Variants in CYLD observed in about 807,000 individuals in gnomAD.
CYLD encodes the protein CYLD lysine 63 deubiquitinase, also known as ubiquitin carboxyl-terminal hydrolase CYLD.
In CYLD, 26 loss-of-function variants were observed where a neutral mutation model predicts 104.5. The ratio of observed to expected loss-of-function variants is 0.25; its 90% CI spans 0.18 to 0.35. The LOEUF (loss-of-function observed/expected upper bound fraction) is 0.35. Among genes scored for constraint, CYLD ranks in the 10% least tolerant of loss-of-function variants. The pLI is 1.00. For missense variants in CYLD, 703 were observed against 1,136.1 expected (o/e 0.62, Z 5.48); for synonymous variants, 385 against 399.9 (o/e 0.96, Z 0.45).
chr16:50,750,325 AT>A, intron 3 of CYLD, 123 bp downstream of exon 3: 1 of 1,125,566 alleles, frequency 8.9e-7, no homozygotes, highest in Non-Finnish European at 1.3e-6. Flanking sequence ...GTCTTCTGTA[AT>A]TTTTAATATT....
intron 5 of CYLD, among the ~76,000 whole-genome samples, chr16:50,756,571 A>G (rs1037642189): frequency 6.6e-6 from 1 of 152,150 alleles, no homozygotes; most frequent in African/African-American, 2.4e-5. Flanking sequence ...TAACAGCATC[A>G]ACAGTTTCAT....
At chr16:50,757,681 C>T (rs565814313) in intron 5 of CYLD, among the ~76,000 whole-genome samples, 4 of 152,108 alleles carry the variant, frequency 2.6e-5, no homozygotes, top group Admixed American at 6.5e-5. Context: ...GGACCACAGG[C>T]GCCCGCCACC....
At chr16:50,778,456 C>T (rs1426038139) in intron 8 of CYLD, among the ~76,000 whole-genome samples, 1 of 152,194 alleles carries the variant, frequency 6.6e-6, no homozygotes, top group East Asian at 1.9e-4. Flanking sequence ...ACCACAGACA[C>T]AGTAGAGTTG....
chr16:50,756,142 G>T (rs1967209449), intron 5 of CYLD, among the ~76,000 whole-genome samples: 1 of 152,158 alleles, frequency 6.6e-6, no homozygotes. Flanking sequence ...ACCCTCAAAT[G>T]AAAATAATTA....
At position 50,744,168 on chromosome 16, in the gene CYLD, T is replaced by C. The variant is rs1180549947; in HGVS notation, c.-124+1327T>C. On this transcript the variant is annotated intron_variant, in intron 2 of 18. Transcript: ENST00000427738. ...AGTATTCCTTGTTCCAGTGGGAATA[T>C]GCAGATGTGAGAGGCTCTTCTTTTC... 3.3e-5 allele frequency among the ~76,000 whole-genome samples: 5 copies of C among 152,024 alleles called. No homozygotes were observed. In the East Asian group the frequency reaches 7.7e-4, roughly 23 times the overall value.
In CYLD at chr16:50,749,893, C is replaced by A. The variant is rs1397129751; in HGVS notation, c.195C>A (p.Gly65=). ...ATTCAAGGATTCCTTCTGCAAAAGG[C>A]AAGAAAAATCAGATTGGATTAAAAA... The part of the protein sequence containing the change: ...VGHSRIPSAK[G]KKNQIGLKIL... The change falls in exon 3 of 19, where the codon GGC becomes GGA. Residue 65 remains glycine, a synonymous_variant. Coordinates refer to ENST00000427738, the MANE Select transcript of CYLD (RefSeq NM_001378743.1). 2 of 1,614,030 alleles carry A rather than the reference C, an allele frequency of 1.2e-6. No individual in the cohort carries two copies. The highest frequency in any genetic ancestry group is 1.6e-4 in the Middle Eastern group (1 of 6,062).
chr16:50,745,294 AG>A (rs1448805086), intron 2 of CYLD, among the ~76,000 whole-genome samples: 5 of 150,320 alleles, frequency 3.3e-5, no homozygotes, highest in African/African-American at 1.2e-4. Context: ...CTTTACTTAA[AG>A]GCAGAAGCTG....
Position 50,798,243 on chromosome 16 carries a change from A to T in CYLD, c.*1735A>T. On this transcript the variant is annotated 3_prime_UTR_variant, in exon 19 of 19. Transcript: ENST00000427738. Reference sequence around the variant, plus strand: ...GGAGGAATGATTAGGAATCTAAATGAAGCCAGCCCTCGGTATCTGCAGGTT... The same window carrying T: ...GGAGGAATGATTAGGAATCTAAATGTAGCCAGCCCTCGGTATCTGCAGGTT... The T allele has an allele frequency of 4.3e-6, 1 of 232,250 alleles. No homozygotes were observed. Among genetic ancestry groups the T allele is most frequent in the Non-Finnish European group, 8.5e-6 (1 of 117,392 alleles). 14.4% of individuals were successfully genotyped at this position (232,250 alleles called of 1,614,324 possible). A position where few individuals can be genotyped will look rare whatever the true frequency, so the allele number is the denominator to read the frequency against.
chr16:50,798,291 C>T lies in CYLD; in HGVS notation c.*1783C>T, dbSNP rs1597102745. 4.3e-6 allele frequency: 1 copy of T among 232,116 alleles called. No homozygotes were observed. The highest frequency in any genetic ancestry group is 6.1e-5 in the East Asian group (1 of 16,490). 14.4% of individuals were successfully genotyped at this position (232,116 alleles called of 1,614,324 possible). On this transcript the variant is annotated 3_prime_UTR_variant, in exon 19 of 19. Transcript: ENST00000427738. The stretch of plus-strand genomic sequence containing the variant: ...GTTTCTCATCCATGGATTCAACCAA[C>T]TGCAAATGGAAAATACGATTTTTTT...
intron 11 of CYLD, 129 bp downstream of exon 11, chr16:50,782,595 G>A: frequency 1.1e-6 from 1 of 947,942 alleles, no homozygotes; most frequent in Non-Finnish European, 1.7e-6. Context: ...AGAGAAACTG[G>A]ATGACTGTGG....
At chr16:50,768,757 A>G (rs1968798366) in intron 5 of CYLD, among the ~76,000 whole-genome samples, 1 of 152,102 alleles carries the variant, frequency 6.6e-6, no homozygotes, top group Admixed American at 6.5e-5. Flanking sequence ...CTTCTGTTCT[A>G]GTTGTGGGGG....
rs1966775608 is a variant in CYLD, at chr16:50,753,275, T to C, written c.808-1044T>C. Among the ~76,000 whole-genome samples, 3 of 152,138 alleles carry C rather than the reference T, an allele frequency of 2.0e-5. No homozygotes were observed. The South Asian group carries it at 6.2e-4, about 32-fold the overall frequency. ...TTAACCAATATTCTTTAAATAGTAA[T>C]TCAGTCTTTATTTCAAGGAGAATTG... On this transcript the variant is annotated intron_variant, in intron 4 of 18. Coordinates refer to ENST00000427738, the MANE Select transcript of CYLD (RefSeq NM_001378743.1).
At chr16:50,773,158 C>A (rs1969328638) in intron 5 of CYLD, among the ~76,000 whole-genome samples, 1 of 152,156 alleles carries the variant, frequency 6.6e-6, no homozygotes, top group Admixed American at 6.5e-5. Context: ...TTAAGCGGTA[C>A]ATTAATTAAA....
chr16:50,751,996 A>G (rs868007802), intron 4 of CYLD, 90 bp downstream of exon 4: 18 of 343,126 alleles, frequency 5.2e-5, no homozygotes, highest in African/African-American at 3.4e-4. Context: ...ATATACACAC[A>G]TATATATACA....
intron 5 of CYLD, among the ~76,000 whole-genome samples, chr16:50,755,123 GTA>G (rs1491204614): frequency 6.4e-5 from 2 of 31,074 alleles, no homozygotes; most frequent in East Asian, 3.5e-4. Flanking sequence ...ATACACATGT[GTA>G]TATATACACA....
intron 14 of CYLD, among the ~76,000 whole-genome samples, chr16:50,788,053 C>G (rs914630279): frequency 1.3e-5 from 2 of 152,082 alleles, no homozygotes; most frequent in African/African-American, 4.8e-5. Context: ...AAGATCAAAT[C>G]CAATGTAAAT....
intron 12 of CYLD, 90 bp downstream of exon 12, chr16:50,784,541 T>C: frequency 7.4e-7 from 1 of 1,355,942 alleles, no homozygotes; most frequent in East Asian, 2.3e-5. Flanking sequence ...CTTGTCTTCA[T>C]GTAATAAGAG....
chr16:50,749,794 C>T lies in CYLD; in HGVS notation c.96C>T (p.Asp32=), dbSNP rs1966472738. 1.2e-6 allele frequency: 2 copies of T among 1,613,920 alleles called. No homozygotes were observed. The highest frequency in any genetic ancestry group is 1.7e-6 in the Non-Finnish European group (2 of 1,179,962). ...YLLLQECSVT[D]KQTQKLLKVP... ...TTCTTCAAGAATGCAGCGTTACAGACAAACAAACACAAAAGCTCCTTAAAG... is the reference window on the plus strand; with the variant it reads ...TTCTTCAAGAATGCAGCGTTACAGATAAACAAACACAAAAGCTCCTTAAAG... The change falls in exon 3 of 19, where the codon GAC becomes GAT. Residue 32 remains aspartate (D), a synonymous_variant. Transcript: ENST00000427738.
chr16:50,755,338 C>A (rs967790052), intron 5 of CYLD, among the ~76,000 whole-genome samples: 1 of 151,926 alleles, frequency 6.6e-6, no homozygotes, highest in Admixed American at 6.6e-5. Flanking sequence ...CTGCTGTAAA[C>A]GTGCATGTGC....
Sources: gnomAD v4.1 joint callset for allele counts (sites outside exome capture counted in the v4.1 genomes callset) on GRCh38, gnomAD v4.1.1 for gene constraint, MANE v1.5 for transcripts, NCBI Gene and HGNC (gene_info 2026-07-23, HGNC 2026-07-21) for gene names.